Variants in EGFR observed in about 807,000 individuals in gnomAD.
The protein encoded by EGFR is avian erythroblastic leukemia viral (v-erb-b) oncogene homolog.
A neutral mutation model predicts 143.0 loss-of-function variants in EGFR; 58 were observed. The ratio of observed to expected loss-of-function variants is 0.41; its 90% CI spans 0.33 to 0.50. The LOEUF (loss-of-function observed/expected upper bound fraction) is 0.50, where lower values mean the gene tolerates loss of function less well. Among genes scored for constraint, EGFR ranks in the 20% least tolerant of loss-of-function variants. EGFR has a pLI of 0.39. For synonymous variants in EGFR, 613 were observed against 594.4 expected (o/e 1.03, Z -0.45); for missense variants, 1,307 against 1,579.0 (o/e 0.83, Z 2.92).
chr7:55,056,153 C>T (rs1189403957), intron 1 of EGFR, among the ~76,000 whole-genome samples: 1 of 152,102 alleles, frequency 6.6e-6, no homozygotes, highest in Non-Finnish European at 1.5e-5. Context: ...GAATGAAAGG[C>T]CTCTTATGAT....
At chr7:55,144,282 A>C (rs939393645) in intron 3 of EGFR, among the ~76,000 whole-genome samples, 5 of 152,198 alleles carry the variant, frequency 3.3e-5, no homozygotes, top group Admixed American at 6.5e-5. Context: ...CACCATGGCA[A>C]AGTCGAAAAT....
chr7:55,193,459 C>G (rs1326094113), intron 22 of EGFR, among the ~76,000 whole-genome samples: 1 of 152,162 alleles, frequency 6.6e-6, no homozygotes, highest in Non-Finnish European at 1.5e-5. Context: ...CTCTCCTCAC[C>G]CGGCCCTAGG....
intron 1 of EGFR, among the ~76,000 whole-genome samples, chr7:55,131,109 T>C (rs892591201): frequency 4.6e-5 from 7 of 152,096 alleles, no homozygotes; most frequent in Admixed American, 1.3e-4. Flanking sequence ...TGAGTCCTTG[T>C]TTTACAAATG....
chr7:55,078,439 G>A (rs1583983242), intron 1 of EGFR, among the ~76,000 whole-genome samples: 1 of 152,192 alleles, frequency 6.6e-6, no homozygotes, highest in African/African-American at 2.4e-5. Flanking sequence ...CACTCCTAAA[G>A]CATGTGTGCT....
chr7:55,152,952 T>C (rs952368505), intron 6 of EGFR, among the ~76,000 whole-genome samples: 3 of 152,244 alleles, frequency 2.0e-5, no homozygotes, highest in Admixed American at 6.5e-5. Context: ...GCCTGTGATG[T>C]CCGTCATTAG....
intron 1 of EGFR, among the ~76,000 whole-genome samples, chr7:55,046,103 T>C (rs115391410): frequency 0.027 from 4,188 of 152,326 alleles, 119 homozygotes; most frequent in African/African-American, 0.067. Context: ...GCATCTCGTA[T>C]TACATTTCTA....
intron 1 of EGFR, among the ~76,000 whole-genome samples, chr7:55,021,203 G>C (rs1004908632): frequency 6.6e-6 from 1 of 152,238 alleles, no homozygotes; most frequent in East Asian, 1.9e-4. Context: ...CTGGTGGAAA[G>C]GTTTCTTCTC....
chr7:55,185,966 C>T (rs2128961202), intron 20 of EGFR, among the ~76,000 whole-genome samples: 1 of 152,340 alleles, frequency 6.6e-6, no homozygotes, highest in African/African-American at 2.4e-5. Flanking sequence ...CTGCTACTGA[C>T]AAGAAGCCCC....
chr7:55,062,779 CT>C (rs1453964822), intron 1 of EGFR, among the ~76,000 whole-genome samples: 1 of 152,022 alleles, frequency 6.6e-6, no homozygotes, highest in Non-Finnish European at 1.5e-5. Context: ...CTTTGAAAAG[CT>C]ACTTAAAATG....
chr7:55,075,564 C>T (rs921144631), intron 1 of EGFR, among the ~76,000 whole-genome samples: 1 of 152,160 alleles, frequency 6.6e-6, no homozygotes, highest in African/African-American at 2.4e-5. Flanking sequence ...CAGCTATGTT[C>T]CTCCTGAAAC....
intron 1 of EGFR, 145 bp downstream of exon 1, chr7:55,019,510 C>T: frequency 3.0e-6 from 1 of 332,388 alleles, no homozygotes; most frequent in Non-Finnish European, 4.8e-6. Flanking sequence ...GCTGCGCCGC[C>T]GACCGGGACC....
chr7:55,078,349 C>G (rs930782517), intron 1 of EGFR, among the ~76,000 whole-genome samples: 9 of 152,006 alleles, frequency 5.9e-5, no homozygotes, highest in African/African-American at 1.9e-4. Flanking sequence ...GCCGCCTCGA[C>G]GCAGCCGTAT....
Position 55,203,304 on chromosome 7 carries a change from TACACACCAC to T in EGFR, c.3271+690_3271+698del, listed in dbSNP as rs771371152. On this transcript the variant is annotated intron_variant, in intron 27 of 27. Coordinates refer to ENST00000275493, the MANE Select transcript of EGFR (RefSeq NM_005228.5). ...CAAAAACCCCACACACATACACATA[TACACACCAC>T]ACACACCACATACACACACGTATAC... Among the ~76,000 whole-genome samples the T allele has an allele frequency of 1.4e-4, 19 of 138,354 alleles. No homozygotes were observed. The South Asian group carries it at 4.3e-3, about 31-fold the overall frequency. 90.8% of individuals were successfully genotyped at this position (138,354 alleles called of 152,430 possible).
At chr7:55,171,094 A>G (rs1786328021) in intron 15 of EGFR, 81 bp from the exon 16 acceptor site, 4 of 1,595,652 alleles carry the variant, frequency 2.5e-6, no homozygotes, top group South Asian at 1.1e-5. Context: ...ATATTGCTTT[A>G]TGATTTAATT....
At chr7:55,152,379 G>C in intron 5 of EGFR, 167 bp from the exon 6 acceptor site, 1 of 779,702 alleles carries the variant, frequency 1.3e-6, no homozygotes, top group African/African-American at 1.7e-5. Context: ...GGAGAAAAAA[G>C]AGGCAATCAG....
intron 1 of EGFR, among the ~76,000 whole-genome samples, chr7:55,110,637 C>A (rs1792420492): frequency 6.6e-6 from 1 of 152,348 alleles, no homozygotes; most frequent in East Asian, 1.9e-4. Flanking sequence ...AATTAAGGAG[C>A]AAAGCAACTT....
chr7:55,164,659 G>A (rs1201077119), intron 14 of EGFR, among the ~76,000 whole-genome samples: 2 of 152,198 alleles, frequency 1.3e-5, no homozygotes, highest in African/African-American at 4.8e-5. Flanking sequence ...CTTAGCCAAG[G>A]GGAAAGCCTT....
intron 2 of EGFR, among the ~76,000 whole-genome samples, chr7:55,143,074 T>C (rs1306381705): frequency 1.3e-5 from 2 of 152,210 alleles, no homozygotes; most frequent in African/African-American, 2.4e-5. Flanking sequence ...GAACAATGCT[T>C]ACTGCTCATT....
At chr7:55,077,383 A>G (rs1790187931) in intron 1 of EGFR, among the ~76,000 whole-genome samples, 1 of 152,212 alleles carries the variant, frequency 6.6e-6, no homozygotes, top group South Asian at 2.1e-4. Flanking sequence ...TAAAATAGTG[A>G]ATAAAATTCA....
Sources: allele counts gnomAD v4.1 joint callset (sites outside exome capture counted in the v4.1 genomes callset), GRCh38; gene constraint gnomAD v4.1.1; transcripts MANE v1.5; gene names NCBI Gene and HGNC (gene_info 2026-07-23, HGNC 2026-07-21).